The following LMX1B variants were observed in gnomAD, a reference collection of about 807,000 sequenced individuals.
LMX1B encodes the protein LIM homeobox transcription factor 1-beta.
A neutral mutation model predicts 51.4 loss-of-function variants in LMX1B; 12 were observed. The ratio of observed to expected loss-of-function variants is 0.23; its 90% CI spans 0.15 to 0.38. The LOEUF (loss-of-function observed/expected upper bound fraction) is 0.38. Ranked by LOEUF, LMX1B falls within the 10% of genes least tolerant of loss-of-function variation. LMX1B has a pLI of 1.00. For missense variants in LMX1B, 445 were observed against 571.1 expected (o/e 0.78, Z 2.25); for synonymous variants, 237 against 235.4 (o/e 1.01, Z -0.06).
intron 2 of LMX1B, among the ~76,000 whole-genome samples, chr9:126,683,025 C>G (rs1836705212): frequency 6.6e-6 from 1 of 151,726 alleles, no homozygotes; most frequent in Non-Finnish European, 1.5e-5. Flanking sequence ...CTCCCTGTCC[C>G]TGGCCCGTGA....
rs1222831059 is a variant in LMX1B, at chr9:126,625,206, G to GC, written c.326+9642dup. ...GGGAAGAGGGGGCTCCGGCCCTGTA[G>GC]CCCCCTGACGCTTTTCGTTTCCGAG... On this transcript the variant is annotated intron_variant, in intron 2 of 7. Transcript: ENST00000373474. This position sits in a 1 kb window ranked among gnomAD's most constrained non-coding sequence, Gnocchi z 5.3. Among the ~76,000 whole-genome samples the GC allele has an allele frequency of 6.6e-6, 1 of 152,248 alleles. No individual in the cohort carries two copies. The highest frequency in any genetic ancestry group is 1.5e-5 in the Non-Finnish European group (1 of 68,046).
chr9:126,695,360 C>T lies in LMX1B; in HGVS notation c.887-479C>T, dbSNP rs2030287763. ...CTCTTGGCCCCACGTGCTGCACCCT[C>T]ACTTACCCGGCGGTCTGTCTCCTCC... is the stretch of plus-strand genomic sequence containing the variant. On this transcript the variant is annotated intron_variant, in intron 6 of 7. Coordinates refer to ENST00000373474, the MANE Select transcript of LMX1B (RefSeq NM_001174147.2). This position sits in a 1 kb window ranked among gnomAD's most constrained non-coding sequence, Gnocchi z 5.2. Among the ~76,000 whole-genome samples, 1 of 152,210 alleles carries T rather than the reference C, an allele frequency of 6.6e-6. No individual in the cohort carries two copies. The highest frequency in any genetic ancestry group is 2.1e-4 in the South Asian group (1 of 4,834).
intron 2 of LMX1B, among the ~76,000 whole-genome samples, chr9:126,630,775 G>C (rs1192940333): frequency 6.6e-6 from 1 of 152,212 alleles, no homozygotes; most frequent in African/African-American, 2.4e-5. Flanking sequence ...TTACACCACA[G>C]GGTGGGGCCG....
intron 2 of LMX1B, among the ~76,000 whole-genome samples, chr9:126,621,303 C>T (rs532683389): frequency 2.9e-4 from 44 of 152,214 alleles, no homozygotes; most frequent in African/African-American, 8.4e-4. Context: ...TGGGGGTGCC[C>T]GAGGACCCAG....
chr9:126,635,354 A>G (rs377009988), intron 2 of LMX1B, among the ~76,000 whole-genome samples: 2 of 152,216 alleles, frequency 1.3e-5, no homozygotes, highest in East Asian at 1.9e-4. Context: ...AGCTACATAG[A>G]GGAGGCGGGC....
chr9:126,675,112 G>A (rs903340942), intron 2 of LMX1B, among the ~76,000 whole-genome samples: 6 of 152,016 alleles, frequency 3.9e-5, no homozygotes, highest in Admixed American at 1.3e-4. Flanking sequence ...GCATATTAGC[G>A]TTTGTATAAA....
At chr9:126,691,123 T>C in intron 3 of LMX1B, 55 bp downstream of exon 3, 1 of 1,424,590 alleles carries the variant, frequency 7.0e-7, no homozygotes, top group South Asian at 1.2e-5. Context: ...TGCTGGGGTG[T>C]CCTGGAGGGG....
rs1395711012 is a variant in LMX1B at position 126,614,243 on chromosome 9, G to T, written c.-207G>T. 6.8e-6 allele frequency among the ~76,000 whole-genome samples: 1 copy of T among 146,030 alleles called. No individual in the cohort carries two copies. Among genetic ancestry groups the T allele is most frequent in the African/African-American group, 2.5e-5 (1 of 40,764 alleles). ...CTGCAAGTGTCCGGGAGAGCGCGGC[G>T]CGGGCTGCAGCCGCCCCGGCCCGCC... On this transcript the variant is annotated 5_prime_UTR_variant, in exon 1 of 8. Transcript: ENST00000373474.
At position 126,677,075 on chromosome 9, in the gene LMX1B, T is replaced by C. The variant is rs1255120249; in HGVS notation, c.327-13761T>C. ...GGGCATGGGGCGATCAGTTACCCAC[T>C]AAATGGGCGGGCTGCGTGCCCTGCC... On this transcript the variant is annotated intron_variant, in intron 2 of 7. Transcript: ENST00000373474. This position sits in a 1 kb window ranked among gnomAD's most constrained non-coding sequence, Gnocchi z 5.0. Among the ~76,000 whole-genome samples the C allele has an allele frequency of 6.6e-6, 1 of 152,146 alleles. No homozygotes were observed. The highest frequency in any genetic ancestry group is 1.5e-5 in the Non-Finnish European group (1 of 68,006).
intron 2 of LMX1B, among the ~76,000 whole-genome samples, chr9:126,663,547 T>C (rs1836285641): frequency 6.6e-6 from 1 of 152,228 alleles, no homozygotes; most frequent in South Asian, 2.1e-4. Context: ...TGAGCCTCAG[T>C]TTTCTCATTT....
intron 2 of LMX1B, among the ~76,000 whole-genome samples, chr9:126,684,104 A>G (rs1836727565): frequency 6.6e-6 from 1 of 152,106 alleles, no homozygotes; most frequent in South Asian, 2.1e-4. Flanking sequence ...CGGTGGGAAC[A>G]GAAGGGCTGC....
At chr9:126,634,943 C>T (rs567797532) in intron 2 of LMX1B, among the ~76,000 whole-genome samples, 1 of 152,298 alleles carries the variant, frequency 6.6e-6, no homozygotes, top group Non-Finnish European at 1.5e-5. Context: ...CCCGCTCCTT[C>T]CCCTCTCCTC....
chr9:126,690,521 A>G (rs1276917932), intron 2 of LMX1B, among the ~76,000 whole-genome samples: 1 of 152,178 alleles, frequency 6.6e-6, no homozygotes, highest in Admixed American at 6.5e-5. Flanking sequence ...GCCCCCAAGG[A>G]AAGTTTGAGT....
At position 126,695,216 on chromosome 9, in the gene LMX1B, C is replaced by T. The variant is rs948373439; in HGVS notation, c.887-623C>T. 6.6e-6 allele frequency among the ~76,000 whole-genome samples: 1 copy of T among 152,130 alleles called. No individual in the cohort carries two copies. Among genetic ancestry groups the T allele is most frequent in the African/African-American group, 2.4e-5 (1 of 41,432 alleles). On this transcript the variant is annotated intron_variant, in intron 6 of 7. Coordinates refer to ENST00000373474, the MANE Select transcript of LMX1B (RefSeq NM_001174147.2). This position sits in a 1 kb window ranked among gnomAD's most constrained non-coding sequence, Gnocchi z 5.2. ...TCCAGCCTTTCTCACCCTCGTCTAC[C>T]AAACCCTCCAGCGGCTCCCAGCGGC...
At chr9:126,693,900 G>A (rs956316062) in intron 6 of LMX1B, 88 bp downstream of exon 6, 7 of 686,624 alleles carry the variant, frequency 1.0e-5, no homozygotes, top group African/African-American at 1.8e-5. Flanking sequence ...CTGGGGCAGA[G>A]GCTGGGGCTG....
chr9:126,645,899 G>C (rs535512852), intron 2 of LMX1B, among the ~76,000 whole-genome samples: 13 of 152,274 alleles, frequency 8.5e-5, no homozygotes, highest in African/African-American at 3.1e-4. Context: ...CTGAGGGAGG[G>C]AGGTCAGGAA....
intron 2 of LMX1B, among the ~76,000 whole-genome samples, chr9:126,675,647 C>T (rs1836539724): frequency 1.3e-5 from 2 of 151,564 alleles, no homozygotes; most frequent in Non-Finnish European, 2.9e-5. Flanking sequence ...ATTGCTTGAA[C>T]CCGGGAGGCA....
chr9:126,618,936 G>T lies in LMX1B; in HGVS notation c.326+3367G>T, dbSNP rs904799819. On this transcript the variant is annotated intron_variant, in intron 2 of 7. Transcript: ENST00000373474. This position sits in a 1 kb window ranked among gnomAD's most constrained non-coding sequence, Gnocchi z 4.5. ...TGTGCACGGCGAGACGCGGGGTTCC[G>T]GCCCGGGCCGCGCTCCTACCTCGGC... Among the ~76,000 whole-genome samples the T allele has an allele frequency of 6.6e-6, 1 of 151,920 alleles. No individual in the cohort carries two copies. Among genetic ancestry groups the T allele is most frequent in the Non-Finnish European group, 1.5e-5 (1 of 67,954 alleles).
chr9:126,679,151 C>T (rs1482442477), intron 2 of LMX1B, among the ~76,000 whole-genome samples: 3 of 152,232 alleles, frequency 2.0e-5, no homozygotes, highest in Non-Finnish European at 2.9e-5. Context: ...TAGCACAGAG[C>T]TTAGTCATGG....
Sources: allele counts gnomAD v4.1 joint callset (sites outside exome capture counted in the v4.1 genomes callset), GRCh38; gene constraint gnomAD v4.1.1; non-coding constraint Gnocchi (gnomAD v3.1); transcripts MANE v1.5; gene names NCBI Gene and HGNC (gene_info 2026-07-23, HGNC 2026-07-21).